The following MAGI2 variants were observed in gnomAD, a reference collection of about 807,000 sequenced individuals.
The protein encoded by MAGI2 is membrane-associated guanylate kinase, WW and PDZ domain-containing protein 2.
In MAGI2, 35 loss-of-function variants were observed where a neutral mutation model predicts 133.3. The ratio of observed to expected loss-of-function variants is 0.26; its 90% confidence interval spans 0.20 to 0.35. The LOEUF (loss-of-function observed/expected upper bound fraction) is 0.35. MAGI2 is among the 10% of genes least tolerant of loss of function. MAGI2 has a pLI of 1.00. For missense variants in MAGI2, 1,636 were observed against 1,863.4 expected (o/e 0.88, Z 2.25); for synonymous variants, 729 against 710.6 (o/e 1.03, Z -0.41).
intron 1 of MAGI2, among the ~76,000 whole-genome samples, chr7:79,306,316 A>G (rs1837805580): frequency 7.2e-6 from 1 of 138,440 alleles, no homozygotes; most frequent in Admixed American, 7.1e-5. Flanking sequence ...TATATTTTAT[A>G]TATATGTGTA....
intron 1 of MAGI2, among the ~76,000 whole-genome samples, chr7:79,035,440 A>G (rs1478733456): frequency 2.0e-5 from 3 of 152,214 alleles, no homozygotes; most frequent in Non-Finnish European, 2.9e-5. Flanking sequence ...GCCTTATGTC[A>G]CATAAACATC....
chr7:78,084,627 T>C (rs1156662674), intron 20 of MAGI2, among the ~76,000 whole-genome samples: 1 of 152,126 alleles, frequency 6.6e-6, no homozygotes, highest in East Asian at 1.9e-4. Flanking sequence ...CATACATTGG[T>C]AGTGACAGGT....
chr7:78,027,026 G>C (rs1808991370), intron 21 of MAGI2, among the ~76,000 whole-genome samples: 1 of 152,196 alleles, frequency 6.6e-6, no homozygotes, highest in African/African-American at 2.4e-5. Flanking sequence ...CAGAGACACA[G>C]AGGTTAAGGA....
intron 12 of MAGI2, among the ~76,000 whole-genome samples, chr7:78,186,692 T>C (rs1827728657): frequency 6.6e-6 from 1 of 152,178 alleles, no homozygotes; most frequent in Non-Finnish European, 1.5e-5. Context: ...AGGTATTCTA[T>C]ACTATCTCAC....
chr7:78,890,817 A>T (rs993631440), intron 2 of MAGI2, among the ~76,000 whole-genome samples: 8 of 152,156 alleles, frequency 5.3e-5, no homozygotes, highest in Non-Finnish European at 1.2e-4. Flanking sequence ...AATTAAAAGA[A>T]CTAGAGAAGC....
intron 1 of MAGI2, chr7:79,172,839 C>T (rs1442876506): frequency 6.6e-6 from 1 of 151,938 alleles, no homozygotes; most frequent in East Asian, 1.9e-4. Context: ...ATAATATGCA[C>T]AACCATCAGA....
chr7:78,745,194 T>G (rs2151264121), intron 2 of MAGI2, among the ~76,000 whole-genome samples: 1 of 152,338 alleles, frequency 6.6e-6, no homozygotes, highest in Middle Eastern at 3.4e-3. Flanking sequence ...ATTGGTTTGT[T>G]ATTTCAGCCT....
chr7:78,726,629 T>C (rs923192662), intron 2 of MAGI2, among the ~76,000 whole-genome samples: 1 of 152,158 alleles, frequency 6.6e-6, no homozygotes, highest in African/African-American at 2.4e-5. Flanking sequence ...TTTAAAGGAA[T>C]AAATGGTTTC....
In MAGI2 at chr7:78,639,084, G is replaced by C. The variant is rs1045958000; in HGVS notation, c.419-11845C>G. 2.0e-5 allele frequency among the ~76,000 whole-genome samples: 3 copies of C among 152,126 alleles called. 1 individual carries two copies. In the South Asian group the frequency reaches 6.2e-4, roughly 32 times the overall value. Reference sequence around the variant, plus strand: ...GACACACTACTCAGTGACCTTCATCGCATGGAAGGTTTAGTGGATCATAAC... The same window carrying C: ...GACACACTACTCAGTGACCTTCATCCCATGGAAGGTTTAGTGGATCATAAC... On this transcript the variant is annotated intron_variant, in intron 2 of 21. Transcript: ENST00000354212.
At chr7:79,100,129 C>G (rs147495544) in intron 1 of MAGI2, among the ~76,000 whole-genome samples, 2 of 151,900 alleles carry the variant, frequency 1.3e-5, no homozygotes, top group Non-Finnish European at 2.9e-5. Context: ...TTATTTAAAC[C>G]CTTTTGTTAT....
intron 2 of MAGI2, among the ~76,000 whole-genome samples, chr7:78,699,537 A>G (rs1817855452): frequency 6.6e-6 from 1 of 152,206 alleles, no homozygotes; most frequent in Non-Finnish European, 1.5e-5. Context: ...CGCATTATGT[A>G]TATGCAGATA....
intron 2 of MAGI2, among the ~76,000 whole-genome samples, chr7:78,693,390 G>A (rs1010859073): frequency 9.2e-5 from 14 of 152,108 alleles, no homozygotes; most frequent in Non-Finnish European, 1.3e-4. Flanking sequence ...CAGTATGCTT[G>A]TATAAAATAT....
intron 2 of MAGI2, among the ~76,000 whole-genome samples, chr7:78,678,164 T>C (rs1209873015): frequency 6.6e-6 from 1 of 152,146 alleles, no homozygotes; most frequent in African/African-American, 2.4e-5. Flanking sequence ...AAAACTAATT[T>C]CGAAATCCAA....
At chr7:78,207,470 G>C (rs1020494593) in intron 10 of MAGI2, among the ~76,000 whole-genome samples, 1 of 152,110 alleles carries the variant, frequency 6.6e-6, no homozygotes, top group Non-Finnish European at 1.5e-5. Flanking sequence ...TTCTCCCACA[G>C]CCTGGAAAAC....
intron 10 of MAGI2, among the ~76,000 whole-genome samples, chr7:78,217,683 G>A (rs1458713251): frequency 6.6e-6 from 1 of 152,162 alleles, no homozygotes; most frequent in Non-Finnish European, 1.5e-5. Context: ...CAGGTCTAGA[G>A]TTCTTTTCCC....
chr7:79,441,999 G>A (rs533494182), intron 1 of MAGI2, among the ~76,000 whole-genome samples: 1 of 152,114 alleles, frequency 6.6e-6, no homozygotes, highest in East Asian at 1.9e-4. Flanking sequence ...CTCTTCTTTT[G>A]TAACACTAAT....
At chr7:78,791,341 A>T (rs1054463028) in intron 2 of MAGI2, among the ~76,000 whole-genome samples, 13 of 152,268 alleles carry the variant, frequency 8.5e-5, no homozygotes, top group African/African-American at 2.9e-4. Context: ...TTTCCCTTAT[A>T]TTGGAGAAAT....
intron 10 of MAGI2, among the ~76,000 whole-genome samples, chr7:78,207,867 T>C (rs1484187806): frequency 6.6e-6 from 1 of 152,046 alleles, no homozygotes; most frequent in African/African-American, 2.4e-5. Flanking sequence ...GAATCCATTT[T>C]TGTTGTTGTT....
chr7:78,590,470 C>T (rs1803883856), intron 3 of MAGI2, among the ~76,000 whole-genome samples: 1 of 152,186 alleles, frequency 6.6e-6, no homozygotes, highest in African/African-American at 2.4e-5. Flanking sequence ...CATTTAGCTT[C>T]AGGCATTTGC....
Sources: allele counts gnomAD v4.1 joint callset (sites outside exome capture counted in the v4.1 genomes callset), GRCh38; gene constraint gnomAD v4.1.1; transcripts MANE v1.5; gene names NCBI Gene and HGNC (gene_info 2026-07-23, HGNC 2026-07-21).